DLGAP4: variants seen among roughly 807,000 people sequenced by gnomAD.
The protein encoded by DLGAP4 is disks large-associated protein 4.
A neutral mutation model predicts 86.9 loss-of-function variants in DLGAP4; 18 were observed. The ratio of observed to expected loss-of-function variants is 0.21; its 90% CI spans 0.14 to 0.31. The LOEUF is 0.31. Among genes scored for constraint, DLGAP4 ranks in the 10% least tolerant of loss-of-function variants. DLGAP4 has a pLI of 1.00. For missense variants in DLGAP4, 1,085 were observed against 1,362.6 expected, an observed-to-expected ratio of 0.80 and a Z score of 3.21; for synonymous variants, 548 against 574.3, an observed-to-expected ratio of 0.95 and a Z score of 0.65.
intron 7 of DLGAP4, among the ~76,000 whole-genome samples, chr20:36,479,912 G>A (rs1320045144): frequency 6.6e-6 from 1 of 152,054 alleles, no homozygotes; most frequent in Non-Finnish European, 1.5e-5. Flanking sequence ...GTCCATGGAG[G>A]GCCTGGGATT....
At chr20:36,499,357 TCCCGCCCACCTGCCCG>T (rs762444609) in intron 8 of DLGAP4, 4 of 1,120,120 alleles carry the variant, frequency 3.6e-6, no homozygotes, top group Middle Eastern at 3.7e-4. Context: ...CCATCCCACC[TCCCGCCCACCTGCCCG>T]CCCGCCCGCC....
rs2034444969 is a variant in DLGAP4, at chr20:36,467,068, C to CCCG, written c.1648+20133_1648+20134insGCC. On this transcript the variant is annotated intron_variant, in intron 7 of 12. Transcript: ENST00000339266. ...TCTCTCTCTCTCTCTCTCTCTCCCCCCCCCTTCTCTCGGCCCTGCCTTCCT... is the reference window on the plus strand; with the variant it reads ...TCTCTCTCTCTCTCTCTCTCTCCCCCCCGCCCCTTCTCTCGGCCCTGCCTTCCT... 7.3e-5 allele frequency among the ~76,000 whole-genome samples: 10 copies of CCCG among 137,630 alleles called. No individual in the cohort carries two copies. The East Asian group carries it at 2.2e-3, about 30-fold the overall frequency. 90.3% of individuals were successfully genotyped at this position (137,630 alleles called of 152,430 possible).
intron 7 of DLGAP4, among the ~76,000 whole-genome samples, chr20:36,495,190 A>G (rs2035837648): frequency 6.6e-6 from 1 of 151,900 alleles, no homozygotes; most frequent in Admixed American, 6.6e-5. Context: ...ATGCCAATGT[A>G]TTTTCCATGA....
intron 2 of DLGAP4, among the ~76,000 whole-genome samples, chr20:36,387,863 A>G (rs1364900106): frequency 6.6e-6 from 1 of 152,024 alleles, no homozygotes; most frequent in Admixed American, 6.6e-5. Context: ...CTCTTTGTCT[A>G]TCTCTTTGTC....
chr20:36,449,104 C>G (rs543537309), intron 7 of DLGAP4, among the ~76,000 whole-genome samples: 1 of 152,178 alleles, frequency 6.6e-6, no homozygotes, highest in South Asian at 2.1e-4. Context: ...CGTCTGGCAT[C>G]GGGACTCTCT....
intron 7 of DLGAP4, among the ~76,000 whole-genome samples, chr20:36,494,098 G>C (rs2035780937): frequency 6.6e-6 from 1 of 152,188 alleles, no homozygotes; most frequent in African/African-American, 2.4e-5. Context: ...ACTGCTCTTA[G>C]GTTGGTAACC....
intron 7 of DLGAP4, among the ~76,000 whole-genome samples, chr20:36,495,516 A>T (rs1382198535): frequency 1.3e-5 from 2 of 152,164 alleles, no homozygotes; most frequent in Non-Finnish European, 2.9e-5. Flanking sequence ...ATCCAACGTC[A>T]CCCTCCCAGC....
intron 2 of DLGAP4, among the ~76,000 whole-genome samples, chr20:36,395,688 A>T (rs1357588913): frequency 6.6e-6 from 1 of 152,104 alleles, no homozygotes; most frequent in Non-Finnish European, 1.5e-5. Flanking sequence ...TAGTAGAGAC[A>T]GGATTTCACC....
At chr20:36,515,614 G>A (rs1361027969) in intron 10 of DLGAP4, among the ~76,000 whole-genome samples, 1 of 152,162 alleles carries the variant, frequency 6.6e-6, no homozygotes, top group Non-Finnish European at 1.5e-5. Flanking sequence ...AAATAGAGAT[G>A]GTCTCTCACT....
chr20:36,351,933 C>T (rs892081858), intron 1 of DLGAP4, among the ~76,000 whole-genome samples: 7 of 152,066 alleles, frequency 4.6e-5, no homozygotes, highest in African/African-American at 9.7e-5. Context: ...TGCTGCCGGC[C>T]GGGTGGTGTG....
chr20:36,461,655 G>C (rs1440078924), intron 7 of DLGAP4: 1 of 352,244 alleles, frequency 2.8e-6, no homozygotes, highest in Non-Finnish European at 3.1e-6. Flanking sequence ...GGAGACGGGG[G>C]CCGCCCCGCC....
chr20:36,357,567 G>C (rs781840745), intron 1 of DLGAP4, among the ~76,000 whole-genome samples: 21 of 152,216 alleles, frequency 1.4e-4, no homozygotes, highest in Non-Finnish European at 2.5e-4. Flanking sequence ...GTGTGAACAA[G>C]GGGACATAGA....
intron 7 of DLGAP4, chr20:36,465,131 T>C (rs1250495322): frequency 1.3e-5 from 2 of 152,126 alleles, no homozygotes; most frequent in African/African-American, 2.4e-5. Context: ...CTTTTCTCTT[T>C]GTAGGAACTA....
In DLGAP4 at chr20:36,330,717, C is replaced by T. The variant is rs183582635; in HGVS notation, c.-304+24205C>T. ...CCTCCCGAGTAGCTGGGACTATAGGCGCCCGCCACCACACCCGGCTACTTT... is the reference window on the plus strand; with the variant it reads ...CCTCCCGAGTAGCTGGGACTATAGGTGCCCGCCACCACACCCGGCTACTTT... On this transcript the variant is annotated intron_variant, in intron 1 of 12. Coordinates refer to ENST00000339266, the MANE Select transcript of DLGAP4 (RefSeq NM_001365621.2). Among the ~76,000 whole-genome samples the T allele has an allele frequency of 2.7e-3, 406 of 152,040 alleles. 2 individuals are homozygous for T. The highest frequency in any genetic ancestry group is 9.6e-3 in the African/African-American group (397 of 41,476).
In DLGAP4 at chr20:36,451,331, C is replaced by A. The variant is rs1600548030; in HGVS notation, c.1648+4394C>A. On this transcript the variant is annotated intron_variant, in intron 7 of 12. Coordinates refer to ENST00000339266, the MANE Select transcript of DLGAP4 (RefSeq NM_001365621.2). ...GTAGGCCCTTTTGACCAGATAGTAG[C>A]ATCTGCTACCTGGTATCTTGATTGA... is the stretch of plus-strand genomic sequence containing the variant. 3.3e-5 allele frequency among the ~76,000 whole-genome samples: 5 copies of A among 152,152 alleles called. No homozygotes were observed. In the South Asian group the frequency reaches 1.0e-3, roughly 32 times the overall value.
chr20:36,406,604 G>A (rs538604615), intron 2 of DLGAP4, among the ~76,000 whole-genome samples: 1 of 152,220 alleles, frequency 6.6e-6, no homozygotes, highest in East Asian at 1.9e-4. Flanking sequence ...GTCAGTTGTT[G>A]ATGCCCCTCT....
intron 7 of DLGAP4, among the ~76,000 whole-genome samples, chr20:36,461,129 A>T (rs1442592151): frequency 6.6e-6 from 1 of 151,708 alleles, no homozygotes; most frequent in African/African-American, 2.4e-5. Flanking sequence ...GCCTCGGTCC[A>T]CCTCCCGCAC....
intron 2 of DLGAP4, among the ~76,000 whole-genome samples, chr20:36,381,979 A>C (rs1012759114): frequency 1.3e-5 from 2 of 152,246 alleles, no homozygotes; most frequent in East Asian, 1.9e-4. Context: ...TGCCCACCCC[A>C]GTGTCTGAGT....
Position 36,500,495 on chromosome 20 carries a change from C to A in DLGAP4, c.2396C>A (p.Ala799Asp). Residue 799 changes from alanine (A) to aspartate (D), a missense_variant, in exon 10 of 13, where the codon GCC becomes GAC. Ala to Asp is a moderately radical substitution (Grantham distance 126, BLOSUM62 -2). Around this residue, in one of 2 missense-constraint regions of DLGAP4, gnomAD observed 1,082 missense variants for 1,344.1 expected, o/e 0.81. Transcript: ENST00000339266. This position sits in a 1 kb window ranked among gnomAD's most constrained non-coding sequence, Gnocchi z 4.6. The stretch of plus-strand genomic sequence containing the variant: ...CCAGCAGAGCCGGCACAGCCAGGGG[C>A]CTGCCGCCGAGACGGCTACTGGTTC... ...SSPAEPAQPG[A>D]CRRDGYWFLK... The A allele has an allele frequency of 2.5e-6, 4 of 1,593,460 alleles. No homozygotes were observed. Among genetic ancestry groups the A allele is most frequent in the Non-Finnish European group, 3.4e-6 (4 of 1,169,448 alleles).
Sources: allele counts gnomAD v4.1 joint callset (sites outside exome capture counted in the v4.1 genomes callset), GRCh38; gene constraint gnomAD v4.1.1; regional missense constraint gnomAD v4.1.1; non-coding constraint Gnocchi (gnomAD v3.1); transcripts MANE v1.5; gene names NCBI Gene and HGNC (gene_info 2026-07-23, HGNC 2026-07-21).